Variants in RASSF5 observed in about 807,000 individuals in gnomAD.
The protein encoded by RASSF5 is ras association domain-containing protein 5.
In RASSF5, 25 loss-of-function variants were observed where a neutral mutation model predicts 40.5. That is an observed-to-expected ratio of 0.62 (90% CI 0.45 to 0.86). RASSF5 has a LOEUF of 0.86. Ranked by LOEUF, RASSF5 falls within the 40% of genes least tolerant of loss-of-function variation. The probability of loss-of-function intolerance (pLI) is 0.00; values close to 1 mark genes in which losing one functional copy is unlikely to be tolerated. For synonymous variants in RASSF5, 246 were observed against 252.4 expected (o/e 0.97, Z 0.24); for missense variants, 521 against 572.8 (o/e 0.91, Z 0.92).
intron 1 of RASSF5, among the ~76,000 whole-genome samples, chr1:206,518,911 T>C (rs1666832304): frequency 6.6e-6 from 1 of 151,430 alleles, no homozygotes; most frequent in South Asian, 2.1e-4. Context: ...CTGCCTATCC[T>C]GTAGCCCTTC....
chr1:206,524,654 T>C (rs1354148187), intron 1 of RASSF5, among the ~76,000 whole-genome samples: 1 of 133,090 alleles, frequency 7.5e-6, no homozygotes, highest in Non-Finnish European at 1.6e-5. Flanking sequence ...TATTATATAT[T>C]ATGTATAATA....
chr1:206,520,873 C>CA (rs1666887555), intron 1 of RASSF5, among the ~76,000 whole-genome samples: 1 of 152,168 alleles, frequency 6.6e-6, no homozygotes, highest in Non-Finnish European at 1.5e-5. Context: ...GAAGACTTTT[C>CA]ATAACTGCTC....
At chr1:206,567,420 T>C (rs17011860) in intron 2 of RASSF5, among the ~76,000 whole-genome samples, 3,267 of 152,086 alleles carry the variant, frequency 0.021, 109 homozygotes, top group African/African-American at 0.074. Context: ...TAATATTGAG[T>C]GGGTGAAAGA....
intron 2 of RASSF5, among the ~76,000 whole-genome samples, chr1:206,547,902 T>C (rs1380265108): frequency 2.0e-5 from 3 of 152,250 alleles, no homozygotes; most frequent in Admixed American, 6.5e-5. Flanking sequence ...GATATCATTT[T>C]CTTTCTGCCT....
chr1:206,508,188 G>A (rs1470294505), intron 1 of RASSF5, 129 bp downstream of exon 1: 1 of 691,884 alleles, frequency 1.4e-6, no homozygotes, highest in East Asian at 3.4e-5. Flanking sequence ...CGAACATAAG[G>A]AGATAACAAC....
At chr1:206,523,925 A>G (rs1328526201) in intron 1 of RASSF5, among the ~76,000 whole-genome samples, 1 of 113,572 alleles carries the variant, frequency 8.8e-6, no homozygotes, top group South Asian at 2.4e-4. Context: ...TAATATATAT[A>G]CCATATATAA....
rs1667463202 is a variant in RASSF5, at chr1:206,538,080, G to C, written c.458-92G>C. The C allele has an allele frequency of 2.6e-6, 4 of 1,562,092 alleles. No individual in the cohort carries two copies. The Admixed American group carries it at 6.8e-5, about 26-fold the overall frequency. On this transcript the variant is annotated intron_variant, in intron 1 of 5. Coordinates refer to ENST00000579436, the MANE Select transcript of RASSF5 (RefSeq NM_182663.4). ...TCTCCTGCACTGCTCTTCCCACTGGGAACTAATGCAATCTCCAAGGTTATT... is the reference window on the plus strand; with the variant it reads ...TCTCCTGCACTGCTCTTCCCACTGGCAACTAATGCAATCTCCAAGGTTATT...
intron 1 of RASSF5, among the ~76,000 whole-genome samples, chr1:206,537,668 T>C (rs1667451017): frequency 1.3e-5 from 2 of 152,196 alleles, no homozygotes; most frequent in South Asian, 4.1e-4. Context: ...TAGAGTGTCA[T>C]GTCGATGCTC....
At chr1:206,525,481 TCA>T (rs1667075877) in intron 1 of RASSF5, among the ~76,000 whole-genome samples, 1 of 152,104 alleles carries the variant, frequency 6.6e-6, no homozygotes, top group Non-Finnish European at 1.5e-5. Context: ...CGATCATAGC[TCA>T]TTACAAGCTT....
At chr1:206,568,744 T>A (rs781940434) in intron 2 of RASSF5, among the ~76,000 whole-genome samples, 6 of 152,206 alleles carry the variant, frequency 3.9e-5, no homozygotes, top group Non-Finnish European at 7.4e-5. Flanking sequence ...GCCTGGAGAT[T>A]CTGCTGAGTT....
intron 2 of RASSF5, among the ~76,000 whole-genome samples, chr1:206,571,694 G>A (rs1272792595): frequency 1.3e-5 from 2 of 152,192 alleles, no homozygotes; most frequent in Non-Finnish European, 2.9e-5. Flanking sequence ...GTCAGTTCCA[G>A]GGGCAGGAGG....
intron 1 of RASSF5, among the ~76,000 whole-genome samples, chr1:206,509,263 C>T (rs1666551794): frequency 6.6e-6 from 1 of 152,188 alleles, no homozygotes; most frequent in East Asian, 1.9e-4. Flanking sequence ...CAGTCTGCAG[C>T]GGAGGCTGTT....
chr1:206,508,231 C>T (rs1353324808), intron 1 of RASSF5, among the ~76,000 whole-genome samples, 172 bp downstream of exon 1: 1 of 152,106 alleles, frequency 6.6e-6, no homozygotes, highest in Non-Finnish European at 1.5e-5. Flanking sequence ...AGTTCCCTGC[C>T]CGGTATCCTT....
At chr1:206,557,685 C>G (rs1553401984) in intron 2 of RASSF5, 1 of 1,614,198 alleles carries the variant, frequency 6.2e-7, no homozygotes, top group Non-Finnish European at 8.5e-7. Context: ...GAGCAAACAT[C>G]TTTCAAAGGT....
intron 2 of RASSF5, chr1:206,572,836 G>A (rs1222473847): frequency 2.6e-5 from 4 of 152,122 alleles, no homozygotes; most frequent in Non-Finnish European, 5.9e-5. Flanking sequence ...GGAGGAAGGG[G>A]CCCTTGGCCC....
At chr1:206,570,711 G>T (rs559023384) in intron 2 of RASSF5, among the ~76,000 whole-genome samples, 1 of 152,026 alleles carries the variant, frequency 6.6e-6, no homozygotes, top group Non-Finnish European at 1.5e-5. Flanking sequence ...GTTCATCCAC[G>T]TGATAGCATG....
intron 2 of RASSF5, among the ~76,000 whole-genome samples, chr1:206,565,528 G>A (rs1668265126): frequency 6.6e-6 from 1 of 152,220 alleles, no homozygotes; most frequent in Non-Finnish European, 1.5e-5. Flanking sequence ...GGGACATAAA[G>A]ATGGATGAGA....
At chr1:206,558,895 C>T (rs1190813543) in intron 2 of RASSF5, among the ~76,000 whole-genome samples, 8 of 152,146 alleles carry the variant, frequency 5.3e-5, no homozygotes, top group Admixed American at 3.3e-4. Context: ...GTAGGTGGGG[C>T]TCCTGCAGAA....
At chr1:206,524,067 TATA>T (rs1291750142) in intron 1 of RASSF5, among the ~76,000 whole-genome samples, 1 of 69,304 alleles carries the variant, frequency 1.4e-5, no homozygotes, top group Non-Finnish European at 3.7e-5. Flanking sequence ...GTATAACATA[TATA>T]ATATATTTTA....
Sources: gnomAD v4.1 joint callset for allele counts (sites outside exome capture counted in the v4.1 genomes callset) on GRCh38, gnomAD v4.1.1 for gene constraint, MANE v1.5 for transcripts, NCBI Gene and HGNC (gene_info 2026-07-23, HGNC 2026-07-21) for gene names.